Variants in PTPRD observed in about 807,000 individuals in gnomAD.
PTPRD encodes receptor-type tyrosine-protein phosphatase delta.
PTPRD carries 34 observed loss-of-function variants against 214.5 expected under a neutral mutation model. That is an observed-to-expected ratio of 0.16 (90% CI 0.12 to 0.21). The LOEUF is 0.21. PTPRD is among the 10% of genes least tolerant of loss of function. PTPRD has a pLI of 1.00. For synonymous variants in PTPRD, 1,128 were observed against 845.7 expected (o/e 1.33, Z -5.79); for missense variants, 2,545 against 2,398.7 (o/e 1.06, Z -1.27).
chr9:9,314,616 G>C (rs1380631132), intron 9 of PTPRD, among the ~76,000 whole-genome samples: 4 of 151,990 alleles, frequency 2.6e-5, no homozygotes, highest in African/African-American at 9.7e-5. Flanking sequence ...GCCTAGTATA[G>C]TGTTTTGCTT....
At chr9:8,648,834 C>T (rs986331218) in intron 12 of PTPRD, among the ~76,000 whole-genome samples, 1 of 152,192 alleles carries the variant, frequency 6.6e-6, no homozygotes, top group African/African-American at 2.4e-5. Context: ...TCTACCAATG[C>T]TTTAGCATCT....
Position 9,240,167 on chromosome 9 carries a change from A to G in PTPRD, c.-202-56804T>C, listed in dbSNP as rs982968476. Among the ~76,000 whole-genome samples, 66 of 122,470 alleles carry G rather than the reference A, an allele frequency of 5.4e-4. 2 individuals carry two copies. Among genetic ancestry groups the G allele is most frequent in the Non-Finnish European group, 3.6e-5 (2 of 55,308 alleles). The allele number at this position is 122,470 out of a possible 152,430, so 80.3% of individuals were successfully genotyped here. On this transcript the variant is annotated intron_variant, in intron 9 of 45. Transcript: ENST00000381196. ...CAATAATATTTATGTTTTATAAAAGATATCTACTTAAAAATAGTTTCAAAA... is the reference window on the plus strand; with the variant it reads ...CAATAATATTTATGTTTTATAAAAGGTATCTACTTAAAAATAGTTTCAAAA...
intron 2 of PTPRD, among the ~76,000 whole-genome samples, chr9:10,444,269 G>A (rs745498561): frequency 6.6e-6 from 1 of 151,530 alleles, no homozygotes. Context: ...ATGCAATTTA[G>A]GTGCTTTCAA....
chr9:8,755,593 G>A (rs568289350), intron 11 of PTPRD, among the ~76,000 whole-genome samples: 1 of 150,594 alleles, frequency 6.6e-6, no homozygotes, highest in Admixed American at 6.6e-5. Context: ...AAACTAGAGT[G>A]AATAAATAAA....
At chr9:9,004,851 A>G (rs2099451269) in intron 11 of PTPRD, among the ~76,000 whole-genome samples, 1 of 152,102 alleles carries the variant, frequency 6.6e-6, no homozygotes, top group Admixed American at 6.6e-5. Context: ...GTGTATAGGA[A>G]AAACAAACAA....
chr9:8,885,990 T>G (rs1162786495), intron 11 of PTPRD, among the ~76,000 whole-genome samples: 1 of 152,198 alleles, frequency 6.6e-6, no homozygotes, highest in African/African-American at 2.4e-5. Flanking sequence ...ATTGCATCCT[T>G]CAACAGAAGA....
intron 11 of PTPRD, among the ~76,000 whole-genome samples, chr9:8,769,638 C>T (rs2095043917): frequency 6.6e-6 from 1 of 152,052 alleles, no homozygotes; most frequent in Admixed American, 6.6e-5. Context: ...TAAACATCAG[C>T]CCTCAGTGTA....
At chr9:9,464,276 C>A (rs996013134) in intron 8 of PTPRD, among the ~76,000 whole-genome samples, 14 of 152,100 alleles carry the variant, frequency 9.2e-5, no homozygotes, top group Admixed American at 5.2e-4. Flanking sequence ...AATCTTTCAA[C>A]CTTTTCTCCC....
At chr9:10,098,509 T>A (rs1382450166) in intron 3 of PTPRD, among the ~76,000 whole-genome samples, 2 of 151,332 alleles carry the variant, frequency 1.3e-5, no homozygotes, top group African/African-American at 2.4e-5. Flanking sequence ...TAAAATAAAA[T>A]AAAAATAAAA....
Position 9,583,928 on chromosome 9 carries a change from T to G in PTPRD, c.-286-9147A>C, listed in dbSNP as rs530178890. 2.6e-5 allele frequency among the ~76,000 whole-genome samples: 4 copies of G among 152,060 alleles called. No homozygotes were observed. The South Asian group carries it at 8.3e-4, about 31-fold the overall frequency. ...GGCTACTTTAATCAAGCCGTGAAAC[T>G]ATCCTGTATTCTCTTCTTCCTTCAT... On this transcript the variant is annotated intron_variant, in intron 7 of 45. Transcript: ENST00000381196.
chr9:10,454,011 T>C (rs1048652122), intron 2 of PTPRD, among the ~76,000 whole-genome samples: 3 of 151,682 alleles, frequency 2.0e-5, no homozygotes, highest in Non-Finnish European at 3.0e-5. Context: ...GATTTAACTA[T>C]GTATTTTCTG....
chr9:9,858,030 T>C (rs1469216219), intron 5 of PTPRD, among the ~76,000 whole-genome samples: 1 of 152,174 alleles, frequency 6.6e-6, no homozygotes, highest in South Asian at 2.1e-4. Flanking sequence ...GTCAAAAGAT[T>C]CACTCCTTAA....
chr9:9,417,416 C>A (rs967848745), intron 8 of PTPRD, among the ~76,000 whole-genome samples: 1 of 152,066 alleles, frequency 6.6e-6, no homozygotes, highest in Non-Finnish European at 1.5e-5. Context: ...TGTTCTATCA[C>A]AAGCATACTT....
intron 10 of PTPRD, among the ~76,000 whole-genome samples, chr9:9,137,937 G>C (rs371320300): frequency 5.3e-5 from 8 of 152,100 alleles, no homozygotes; most frequent in African/African-American, 1.9e-4. Context: ...TTCCCCAAAA[G>C]AATTCATGCA....
chr9:9,818,655 T>A (rs998011986), intron 5 of PTPRD, among the ~76,000 whole-genome samples: 1 of 152,012 alleles, frequency 6.6e-6, no homozygotes, highest in African/African-American at 2.4e-5. Flanking sequence ...TGGTGGCTCA[T>A]GCCTGTAATC....
intron 3 of PTPRD, among the ~76,000 whole-genome samples, chr9:10,167,327 G>A (rs7032659): frequency 0.23 from 34,767 of 151,840 alleles, 4,197 homozygotes; most frequent in East Asian, 0.4. Flanking sequence ...ATGCGTGCAC[G>A]TCTAAATAAA....
rs555073245 is a variant in PTPRD at position 9,805,254 on chromosome 9, A to G, written c.-367-38403T>C. ...TGACCTAGTAGTATGAGAAGAAGTA[A>G]TATATAAAGTGCTTTGCCTAGTGCC... On this transcript the variant is annotated intron_variant, in intron 5 of 45. Transcript: ENST00000381196. Among the ~76,000 whole-genome samples, 4 of 152,272 alleles carry G rather than the reference A, an allele frequency of 2.6e-5. No individual in the cohort carries two copies. The East Asian group carries it at 7.7e-4, about 29-fold the overall frequency.
chr9:8,717,515 C>A (rs58997119), intron 12 of PTPRD, among the ~76,000 whole-genome samples: 1 of 152,106 alleles, frequency 6.6e-6, no homozygotes, highest in African/African-American at 2.4e-5. Context: ...CACCCTCCAA[C>A]GCATCCTCCA....
At chr9:9,634,553 G>A (rs1304158860) in intron 7 of PTPRD, among the ~76,000 whole-genome samples, 1 of 152,088 alleles carries the variant, frequency 6.6e-6, no homozygotes, top group African/African-American at 2.4e-5. Context: ...ATAAGAGGAA[G>A]GAAATAAATG....
Sources: allele counts gnomAD v4.1 joint callset (sites outside exome capture counted in the v4.1 genomes callset), GRCh38; gene constraint gnomAD v4.1.1; transcripts MANE v1.5; gene names NCBI Gene and HGNC (gene_info 2026-07-23, HGNC 2026-07-21).